NETO1: variants seen among roughly 807,000 people sequenced by gnomAD.
NETO1 encodes neuropilin and tolloid like 1.
A neutral mutation model predicts 61.3 loss-of-function variants in NETO1; 26 were observed. The observed-to-expected ratio is 0.42, with a 90% CI of 0.31 to 0.59. NETO1 has a LOEUF of 0.59. Ranked by LOEUF, NETO1 falls within the 20% of genes least tolerant of loss-of-function variation. NETO1 has a pLI of 0.12. For synonymous variants in NETO1, 225 were observed against 225.8 expected (o/e 1.00, Z 0.03); for missense variants, 531 against 662.8 (o/e 0.80, Z 2.18).
At chr18:72,851,402 A>C (rs2074244433) in intron 4 of NETO1, among the ~76,000 whole-genome samples, 1 of 151,356 alleles carries the variant, frequency 6.6e-6, no homozygotes, top group African/African-American at 2.4e-5. Flanking sequence ...CAAGAGCGAA[A>C]CTCCCTCAAA....
intron 4 of NETO1, among the ~76,000 whole-genome samples, chr18:72,846,031 A>G (rs1178244434): frequency 5.3e-5 from 8 of 152,058 alleles, no homozygotes; most frequent in African/African-American, 1.7e-4. Flanking sequence ...CATATCTCCT[A>G]CGCTGAAGGC....
chr18:72,846,382 G>T (rs2074084526), intron 4 of NETO1, among the ~76,000 whole-genome samples: 1 of 151,492 alleles, frequency 6.6e-6, no homozygotes, highest in African/African-American at 2.4e-5. Flanking sequence ...GCGTGCTCTT[G>T]TAGTCCCAGC....
intron 4 of NETO1, among the ~76,000 whole-genome samples, chr18:72,838,067 T>G (rs2073811865): frequency 6.6e-6 from 1 of 151,956 alleles, no homozygotes; most frequent in South Asian, 2.1e-4. Context: ...TCCGTCCCCA[T>G]CACCATCCCC....
At chr18:72,760,534 A>G (rs557569287) in intron 7 of NETO1, among the ~76,000 whole-genome samples, 2 of 152,190 alleles carry the variant, frequency 1.3e-5, no homozygotes, top group Admixed American at 1.3e-4. Flanking sequence ...CAGGTTTATA[A>G]GAGTGTGTGG....
intron 7 of NETO1, among the ~76,000 whole-genome samples, chr18:72,770,958 C>G (rs11661155): frequency 0.32 from 49,099 of 151,928 alleles, 8,558 homozygotes; most frequent in South Asian, 0.48. Flanking sequence ...GTTATTTAAA[C>G]TCATCCCATT....
intron 6 of NETO1, among the ~76,000 whole-genome samples, chr18:72,786,081 GA>G (rs552455902): frequency 1.6e-3 from 244 of 152,286 alleles, no homozygotes; most frequent in Non-Finnish European, 2.4e-3. Flanking sequence ...AAATGTTTGT[GA>G]ATGATTAACT....
intron 4 of NETO1, among the ~76,000 whole-genome samples, chr18:72,843,759 G>T (rs76578001): frequency 6.6e-6 from 1 of 152,072 alleles, no homozygotes; most frequent in African/African-American, 2.4e-5. Context: ...AATATAAAGC[G>T]TATTTTTAGG....
At chr18:72,861,357 T>C (rs1393760936) in intron 3 of NETO1, among the ~76,000 whole-genome samples, 1 of 152,256 alleles carries the variant, frequency 6.6e-6, no homozygotes, top group African/African-American at 2.4e-5. Flanking sequence ...GTTTGCCACA[T>C]ACTTATTGTG....
At chr18:72,846,663 A>G (rs975082951) in intron 4 of NETO1, among the ~76,000 whole-genome samples, 1 of 151,262 alleles carries the variant, frequency 6.6e-6, no homozygotes, top group African/African-American at 2.4e-5. Context: ...ATCTTTTTTT[A>G]TTTAAAATTG....
chr18:72,843,452 C>T (rs1361403693), intron 4 of NETO1, among the ~76,000 whole-genome samples: 1 of 152,066 alleles, frequency 6.6e-6, no homozygotes, highest in Non-Finnish European at 1.5e-5. Context: ...AATAGAGATA[C>T]TATGATATTT....
intron 1 of NETO1, among the ~76,000 whole-genome samples, chr18:72,866,209 A>T (rs183530806): frequency 7.2e-5 from 11 of 152,308 alleles, no homozygotes; most frequent in African/African-American, 2.4e-4. Context: ...TTCACTTAAA[A>T]TGAATTCGGG....
intron 4 of NETO1, among the ~76,000 whole-genome samples, chr18:72,824,136 T>C (rs181092135): frequency 1.3e-5 from 2 of 152,338 alleles, no homozygotes; most frequent in African/African-American, 2.4e-5. Flanking sequence ...CAACTTCTAA[T>C]AGATTGGTTA....
chr18:72,753,815 G>A (rs140458777), intron 8 of NETO1, among the ~76,000 whole-genome samples: 10 of 152,112 alleles, frequency 6.6e-5, no homozygotes, highest in African/African-American at 2.2e-4. Context: ...CAAGGTGGGA[G>A]CTAAAATGTT....
chr18:72,826,185 A>G (rs528432533), intron 4 of NETO1, among the ~76,000 whole-genome samples: 2 of 152,214 alleles, frequency 1.3e-5, no homozygotes, highest in Admixed American at 6.5e-5. Flanking sequence ...TGCATTTTTG[A>G]TATCTTACAG....
intron 4 of NETO1, among the ~76,000 whole-genome samples, chr18:72,847,266 GTAATCACTCTGTGAT>G (rs2074117161): frequency 6.6e-6 from 1 of 152,188 alleles, no homozygotes; most frequent in South Asian, 2.1e-4. Context: ...ATACTTTAGT[GTAATCACTCTGTGAT>G]TCTTGGGGTA....
At chr18:72,799,449 T>C (rs958641147) in intron 4 of NETO1, among the ~76,000 whole-genome samples, 1 of 152,230 alleles carries the variant, frequency 6.6e-6, no homozygotes, top group Non-Finnish European at 1.5e-5. Context: ...AATGATTACA[T>C]ATCAGGAAAA....
intron 8 of NETO1, among the ~76,000 whole-genome samples, chr18:72,755,605 G>T (rs1293600141): frequency 6.6e-6 from 1 of 152,116 alleles, no homozygotes; most frequent in African/African-American, 2.4e-5. Flanking sequence ...GAAGTAGCTG[G>T]AAGTAACTGA....
chr18:72,795,844 C>T (rs2072292812), intron 4 of NETO1, among the ~76,000 whole-genome samples: 1 of 152,158 alleles, frequency 6.6e-6, no homozygotes, highest in South Asian at 2.1e-4. Flanking sequence ...ATCTCTTGAA[C>T]TTATTATTCT....
At chr18:72,827,483 C>G (rs2073418279) in intron 4 of NETO1, among the ~76,000 whole-genome samples, 1 of 152,092 alleles carries the variant, frequency 6.6e-6, no homozygotes. Context: ...AGGCCCAAAG[C>G]AGGAGAAAAT....
Sources: allele counts gnomAD v4.1 joint callset (sites outside exome capture counted in the v4.1 genomes callset), GRCh38; gene constraint gnomAD v4.1.1; transcripts MANE v1.5; gene names NCBI Gene and HGNC (gene_info 2026-07-23, HGNC 2026-07-21).